The following THRB variants were observed in gnomAD, a reference collection of about 807,000 sequenced individuals.
THRB encodes the protein nuclear receptor subfamily 1 group A member 2.
In THRB, 12 loss-of-function variants were observed where a neutral mutation model predicts 47.8. The ratio of observed to expected loss-of-function variants is 0.25; its 90% CI spans 0.16 to 0.41. The LOEUF is 0.41. Among genes scored for constraint, THRB ranks in the 10% least tolerant of loss-of-function variants. The pLI is 1.00. For synonymous variants in THRB, 218 were observed against 212.2 expected (o/e 1.03, Z -0.24); for missense variants, 348 against 589.2 (o/e 0.59, Z 4.24).
intron 5 of THRB, among the ~76,000 whole-genome samples, chr3:24,176,729 T>C (rs1224323162): frequency 6.6e-6 from 1 of 152,200 alleles, no homozygotes; most frequent in Non-Finnish European, 1.5e-5. Flanking sequence ...CCACTTTTGT[T>C]AAGCTTCAGA....
intron 1 of THRB, among the ~76,000 whole-genome samples, chr3:24,490,601 T>C (rs1024197289): frequency 8.5e-5 from 13 of 152,124 alleles, no homozygotes; most frequent in Non-Finnish European, 1.5e-5. Flanking sequence ...CCCTGCAGGG[T>C]GATAAGAGCT....
intron 1 of THRB, among the ~76,000 whole-genome samples, chr3:24,341,286 C>T (rs971458436): frequency 1.1e-4 from 15 of 135,706 alleles, no homozygotes; most frequent in African/African-American, 4.0e-4. Context: ...GGCTGGAGTG[C>T]AGTGGTACAA....
intron 6 of THRB, among the ~76,000 whole-genome samples, chr3:24,149,945 A>G (rs1399432161): frequency 6.6e-6 from 1 of 152,236 alleles, no homozygotes; most frequent in East Asian, 1.9e-4. Context: ...TCAATATCAG[A>G]CATGTTTCTT....
At chr3:24,490,211 C>T (rs145722711) in intron 1 of THRB, among the ~76,000 whole-genome samples, 1 of 152,154 alleles carries the variant, frequency 6.6e-6, no homozygotes, top group Admixed American at 6.5e-5. Context: ...TATTTGTAGA[C>T]TGAATGAGGA....
At chr3:24,147,485 A>G (rs535167786) in intron 6 of THRB, among the ~76,000 whole-genome samples, 2 of 152,262 alleles carry the variant, frequency 1.3e-5, no homozygotes, top group South Asian at 4.2e-4. Context: ...TTTTCCTTTT[A>G]TAACACTCTT....
chr3:24,258,596 G>A (rs2051581976), intron 3 of THRB, among the ~76,000 whole-genome samples: 1 of 152,088 alleles, frequency 6.6e-6, no homozygotes, highest in East Asian at 1.9e-4. Context: ...CATCTCATCT[G>A]CTTTTGTGTT....
At chr3:24,353,686 C>T (rs1039510853) in intron 1 of THRB, among the ~76,000 whole-genome samples, 6 of 151,992 alleles carry the variant, frequency 3.9e-5, no homozygotes, top group Non-Finnish European at 8.8e-5. Flanking sequence ...TAGGCGATTC[C>T]ATATGATAAA....
intron 2 of THRB, among the ~76,000 whole-genome samples, chr3:24,303,334 G>A (rs2057092649): frequency 2.0e-5 from 3 of 152,192 alleles, no homozygotes; most frequent in South Asian, 2.1e-4. Context: ...CAAACATGAT[G>A]CCTGAAAAGT....
Position 24,402,429 on chromosome 3 carries a change from A to G in THRB, c.-260-65058T>C, listed in dbSNP as rs912312268. Among the ~76,000 whole-genome samples the G allele has an allele frequency of 3.3e-5, 5 of 150,398 alleles. No homozygotes were observed. The South Asian group carries it at 1.1e-3, about 32-fold the overall frequency. ...TGTCAAATTTGGGAACTGCTGTTCT[A>G]CTTTTTTGGTCTGATTTGACACTTA... On this transcript the variant is annotated intron_variant, in intron 1 of 10. Coordinates refer to ENST00000646209, the MANE Select transcript of THRB (RefSeq NM_001354712.2).
intron 2 of THRB, among the ~76,000 whole-genome samples, chr3:24,303,896 T>C (rs575851866): frequency 3.1e-4 from 47 of 152,318 alleles, no homozygotes; most frequent in African/African-American, 1.0e-3. Flanking sequence ...AATATTTCGA[T>C]AGATTTCCTA....
Position 24,337,317 on chromosome 3 carries a change from C to T in THRB, c.-206G>A, listed in dbSNP as rs1219116092. 2.0e-5 allele frequency: 3 copies of T among 152,172 alleles called. No homozygotes were observed. The highest frequency in any genetic ancestry group is 7.2e-5 in the African/African-American group (3 of 41,414). The allele number at this position is 152,172 out of a possible 1,614,324, so 9.4% of individuals were successfully genotyped here. ...CATCTGACCTTCTTATTCATTAAAT[C>T]ATGTGTGGAACTTGGCACCCACGCA... On this transcript the variant is annotated 5_prime_UTR_variant, in exon 2 of 11. An upstream start codon of the reference 5' UTR is lost. Transcript: ENST00000646209.
At chr3:24,260,696 A>T (rs185009761) in intron 3 of THRB, among the ~76,000 whole-genome samples, 14 of 152,240 alleles carry the variant, frequency 9.2e-5, no homozygotes, top group Admixed American at 8.5e-4. Flanking sequence ...ATTCTCCTAG[A>T]CAACTGTATC....
intron 3 of THRB, among the ~76,000 whole-genome samples, chr3:24,284,889 T>C (rs1006451000): frequency 7.2e-5 from 11 of 152,070 alleles, no homozygotes; most frequent in Non-Finnish European, 1.3e-4. Context: ...GAGATACCAT[T>C]TCACACCAGT....
chr3:24,128,942 A>G (rs2033386383), intron 9 of THRB, among the ~76,000 whole-genome samples: 1 of 144,064 alleles, frequency 6.9e-6, no homozygotes, highest in South Asian at 2.2e-4. Flanking sequence ...GTTACACCTA[A>G]TATCTGTCTC....
intron 8 of THRB, among the ~76,000 whole-genome samples, chr3:24,135,847 A>ATAAATT (rs371175625): frequency 0.046 from 6,014 of 130,900 alleles, 204 homozygotes; most frequent in African/African-American, 0.065. Flanking sequence ...ATATATATAT[A>ATAAATT]ATACATAAAT....
At chr3:24,154,318 C>A (rs2037471490) in intron 5 of THRB, among the ~76,000 whole-genome samples, 1 of 152,164 alleles carries the variant, frequency 6.6e-6, no homozygotes, top group East Asian at 1.9e-4. Context: ...TTCATTCAGT[C>A]ATTTATCTAT....
intron 5 of THRB, among the ~76,000 whole-genome samples, chr3:24,176,884 G>A (rs1249608091): frequency 6.6e-6 from 1 of 152,106 alleles, no homozygotes; most frequent in African/African-American, 2.4e-5. Context: ...GCATGCCTCT[G>A]TAAATATACT....
chr3:24,156,486 C>G (rs1330291998), intron 5 of THRB, among the ~76,000 whole-genome samples: 1 of 152,198 alleles, frequency 6.6e-6, no homozygotes, highest in African/African-American at 2.4e-5. Flanking sequence ...GTGAGAAGAG[C>G]TGAGTTCAGA....
At chr3:24,250,045 T>C (rs1481163448) in intron 3 of THRB, among the ~76,000 whole-genome samples, 1 of 152,206 alleles carries the variant, frequency 6.6e-6, no homozygotes, top group Non-Finnish European at 1.5e-5. Context: ...CTGTGTTAGT[T>C]GCTGGGCACA....
Sources: allele counts gnomAD v4.1 joint callset (sites outside exome capture counted in the v4.1 genomes callset), GRCh38; gene constraint gnomAD v4.1.1; transcripts MANE v1.5; gene names NCBI Gene and HGNC (gene_info 2026-07-23, HGNC 2026-07-21).